SBNO1: variants seen among roughly 807,000 people sequenced by gnomAD.
SBNO1 encodes the protein protein strawberry notch homolog 1.
A neutral mutation model predicts 173.6 loss-of-function variants in SBNO1; 23 were observed. The observed-to-expected ratio is 0.13, with a 90% CI of 0.10 to 0.19. The LOEUF (loss-of-function observed/expected upper bound fraction) is 0.19, where lower values mean the gene tolerates loss of function less well. Ranked by LOEUF, SBNO1 falls within the 10% of genes least tolerant of loss-of-function variation. The pLI, the probability that SBNO1 is intolerant of heterozygous loss-of-function variation, is 1.00. For synonymous variants in SBNO1, 632 were observed against 571.5 expected, an observed-to-expected ratio of 1.11 and a Z score of -1.51; for missense variants, 1,238 against 1,671.2, an observed-to-expected ratio of 0.74 and a Z score of 4.52.
intron 6 of SBNO1, among the ~76,000 whole-genome samples, chr12:123,336,064 A>G (rs1404473230): frequency 1.3e-5 from 2 of 152,148 alleles, no homozygotes. Flanking sequence ...AGTGGCTGCT[A>G]AAAAAAGAAC....
intron 4 of SBNO1, among the ~76,000 whole-genome samples, chr12:123,344,836 G>A (rs1441444323): frequency 6.6e-6 from 1 of 152,066 alleles, no homozygotes; most frequent in African/African-American, 2.4e-5. Context: ...GTGACAGACT[G>A]AAAATCCGTC....
rs562270330 is a variant in SBNO1, at chr12:123,364,524, C to A, written c.-1+177G>T. The A allele has an allele frequency of 2.8e-5, 28 of 983,626 alleles. No homozygotes were observed. In the East Asian group the frequency reaches 3.0e-3, roughly 104 times the overall value. 60.9% of individuals were successfully genotyped at this position (983,626 alleles called of 1,614,324 possible). On this transcript the variant is annotated intron_variant, in intron 1 of 31. Coordinates refer to ENST00000602398, the MANE Select transcript of SBNO1 (RefSeq NM_001167856.3). ...AACGGAGCCGCCGTCGGGAACATGCCCCCGAGGGCCCCGGAGCGCGCGGCC... is the reference window on the plus strand; with the variant it reads ...AACGGAGCCGCCGTCGGGAACATGCACCCGAGGGCCCCGGAGCGCGCGGCC...
chr12:123,315,670 A>T lies in SBNO1; in HGVS notation c.2936-10T>A. ...GATCTATGAGTACGTCCTGCAACGA[A>T]ATTTTGTTTTAAAGATCATTGATTG... is the stretch of plus-strand genomic sequence containing the variant. On this transcript the variant is annotated splice_polypyrimidine_tract_variant and intron_variant, in intron 21 of 31. Coordinates refer to ENST00000602398, the MANE Select transcript of SBNO1 (RefSeq NM_001167856.3). The T allele has an allele frequency of 6.5e-7, 1 of 1,527,054 alleles. No individual in the cohort carries two copies. Among genetic ancestry groups the T allele is most frequent in the Non-Finnish European group, 9.1e-7 (1 of 1,101,214 alleles). 94.6% of individuals were successfully genotyped at this position (1,527,054 alleles called of 1,614,324 possible).
chr12:123,309,394 T>C lies in SBNO1; in HGVS notation c.3546A>G (p.Val1182=), dbSNP rs1408908165. ...SGHVELYTIS[V]ERGMSWEEAT... ...CTTCCTCCCATGACATTCCCCTCTCTACACTAATCTGTAAGAGAAACAACG... is the reference window on the plus strand; with the variant it reads ...CTTCCTCCCATGACATTCCCCTCTCCACACTAATCTGTAAGAGAAACAACG... The change falls in exon 28 of 32, where the codon GTA becomes GTG. Residue 1182 remains valine (V), a synonymous_variant. Transcript: ENST00000602398. 6.2e-7 allele frequency: 1 copy of C among 1,613,814 alleles called. No individual in the cohort carries two copies. Among genetic ancestry groups the C allele is most frequent in the Admixed American group, 1.7e-5 (1 of 60,018 alleles).
chr12:123,349,642 C>T (rs1873647535), intron 2 of SBNO1, among the ~76,000 whole-genome samples: 1 of 150,846 alleles, frequency 6.6e-6, no homozygotes, highest in African/African-American at 2.5e-5. Context: ...TTTGGCCGGG[C>T]ACAGTGGCTC....
chr12:123,363,925 C>T, intron 1 of SBNO1: 4 of 985,460 alleles, frequency 4.1e-6, no homozygotes, highest in Non-Finnish European at 4.8e-6. Context: ...GCGGTTAAAC[C>T]GACCCCAAAC....
chr12:123,316,830 G>A (rs1221502572), intron 21 of SBNO1, among the ~76,000 whole-genome samples: 5 of 150,844 alleles, frequency 3.3e-5, no homozygotes, highest in South Asian at 2.1e-4. Flanking sequence ...AGCACCCTAA[G>A]TAGCTGGGAT....
intron 1 of SBNO1, among the ~76,000 whole-genome samples, chr12:123,352,525 C>T (rs1410520677): frequency 6.6e-6 from 1 of 152,138 alleles, no homozygotes; most frequent in Non-Finnish European, 1.5e-5. Context: ...CTCCTGACCT[C>T]AGGTGAACCA....
At chr12:123,360,968 G>T (rs1051036267) in intron 1 of SBNO1, among the ~76,000 whole-genome samples, 4 of 152,040 alleles carry the variant, frequency 2.6e-5, no homozygotes, top group Non-Finnish European at 4.4e-5. Context: ...AAAATTGGCC[G>T]GGCACAGTGG....
chr12:123,325,646 G>A, intron 14 of SBNO1, 47 bp from the exon 15 acceptor site: 2 of 1,214,758 alleles, frequency 1.6e-6, no homozygotes, highest in South Asian at 1.3e-5. Context: ...AATGTTTGTG[G>A]CTTCTTACCA....
intron 31 of SBNO1, among the ~76,000 whole-genome samples, chr12:123,296,340 A>G (rs1175208867): frequency 1.6e-5 from 2 of 122,154 alleles, no homozygotes; most frequent in Non-Finnish European, 3.5e-5. Context: ...GAGGTTAAGA[A>G]TATCTATTAT....
At chr12:123,342,590 C>T (rs1486162731) in intron 4 of SBNO1, among the ~76,000 whole-genome samples, 2 of 152,242 alleles carry the variant, frequency 1.3e-5, no homozygotes, top group Non-Finnish European at 2.9e-5. Flanking sequence ...GAACTCCTTA[C>T]TTCCTCCTGC....
At chr12:123,306,643 A>AG (rs1593332145) in intron 28 of SBNO1, among the ~76,000 whole-genome samples, 1 of 152,178 alleles carries the variant, frequency 6.6e-6, no homozygotes, top group Admixed American at 6.6e-5. Flanking sequence ...GATCAAGCCC[A>AG]GGAGGAGTTC....
intron 4 of SBNO1, among the ~76,000 whole-genome samples, chr12:123,344,875 T>C (rs980412756): frequency 1.3e-5 from 2 of 152,058 alleles, no homozygotes; most frequent in Non-Finnish European, 2.9e-5. Context: ...AATGTAGAAT[T>C]GTGGGCTCTA....
Position 123,289,488 on chromosome 12 carries a change from T to A in SBNO1, c.*6420A>T, listed in dbSNP as rs537794179. The A allele has an allele frequency of 6.6e-6, 1 of 152,368 alleles. No homozygotes were observed. The highest frequency in any genetic ancestry group is 1.9e-4 in the East Asian group (1 of 5,194). The allele number at this position is 152,368 out of a possible 1,614,324, so 9.4% of individuals were successfully genotyped here. ...AACCAAATGAAAACACACCAAGAGC[T>A]GACATCCACCTTTGTTTCAAGTTGT... On this transcript the variant is annotated 3_prime_UTR_variant, in exon 32 of 32. Coordinates refer to ENST00000602398, the MANE Select transcript of SBNO1 (RefSeq NM_001167856.3).
In SBNO1 at chr12:123,348,291, A is replaced by G. The variant is rs1263102042; in HGVS notation, c.133-158T>C. Among the ~76,000 whole-genome samples the G allele has an allele frequency of 2.0e-5, 3 of 152,020 alleles. No homozygotes were observed. In the East Asian group the frequency reaches 5.8e-4, roughly 29 times the overall value. ...ATAATGTAATAATCTTTGCAAGCAC[A>G]AGATCTCCACAAAACGGTACTAACA... On this transcript the variant is annotated intron_variant, in intron 2 of 31. Transcript: ENST00000602398.
At chr12:123,311,746 ATATT>A (rs1448154321) in intron 24 of SBNO1, among the ~76,000 whole-genome samples, 43 of 135,968 alleles carry the variant, frequency 3.2e-4, no homozygotes, top group Middle Eastern at 8.7e-3. Flanking sequence ...ATATATATAT[ATATT>A]TTTGCGACAG....
intron 1 of SBNO1, chr12:123,364,043 G>T: frequency 1.0e-6 from 1 of 985,532 alleles, no homozygotes; most frequent in Non-Finnish European, 1.2e-6. Context: ...CCCTCCATGG[G>T]TAATTCTTAG....
intron 7 of SBNO1, 28 bp from the exon 8 acceptor site, chr12:123,331,403 A>G (rs758213640): frequency 5.6e-6 from 9 of 1,607,502 alleles, no homozygotes. Flanking sequence ...GGTAATTAAT[A>G]TAATCCTTCA....
Sources: allele counts gnomAD v4.1 joint callset (sites outside exome capture counted in the v4.1 genomes callset), GRCh38; gene constraint gnomAD v4.1.1; transcripts MANE v1.5; gene names NCBI Gene and HGNC (gene_info 2026-07-23, HGNC 2026-07-21).